Variants in TMX4 observed in about 807,000 individuals in gnomAD.
TMX4 encodes the protein thioredoxin-related transmembrane protein 4.
TMX4 carries 23 observed loss-of-function variants against 33.3 expected under a neutral mutation model. The ratio of observed to expected loss-of-function variants is 0.69; its 90% CI spans 0.50 to 0.98. TMX4 has a LOEUF of 0.98. TMX4 is among the 50% of genes least tolerant of loss of function. TMX4 has a pLI of 0.00. For missense variants in TMX4, 399 were observed against 448.9 expected, an observed-to-expected ratio of 0.89 and a Z score of 1.01; for synonymous variants, 164 against 161.5, an observed-to-expected ratio of 1.02 and a Z score of -0.12.
chr20:7,997,178 T>C (rs577379238), intron 4 of TMX4, among the ~76,000 whole-genome samples: 2 of 152,244 alleles, frequency 1.3e-5, no homozygotes, highest in South Asian at 2.1e-4. Context: ...GGGTGGCCCA[T>C]GACTCATCCC....
intron 1 of TMX4, among the ~76,000 whole-genome samples, chr20:8,015,940 T>A (rs547849693): frequency 4.2e-4 from 64 of 152,338 alleles, no homozygotes; most frequent in Admixed American, 2.0e-3. Flanking sequence ...CTTCTGAGTA[T>A]CAGCTTGAAT....
intron 1 of TMX4, among the ~76,000 whole-genome samples, chr20:8,014,981 A>G (rs2122884116): frequency 6.6e-6 from 1 of 151,590 alleles, no homozygotes; most frequent in African/African-American, 2.4e-5. Context: ...CTTACTAAGG[A>G]TCTGGCATTA....
rs528119588 is a variant in TMX4 at position 7,977,874 on chromosome 20, G to C, written c.*4377C>G. 2.7e-4 allele frequency: 41 copies of C among 152,290 alleles called. No homozygotes were observed. Among genetic ancestry groups the C allele is most frequent in the Admixed American group, 1.0e-3 (16 of 15,292 alleles). The allele number at this position is 152,290 out of a possible 1,614,324, so 9.4% of individuals were successfully genotyped here. Reference sequence around the variant, plus strand: ...CTACATAAAGCTTTACTGAGAATAAGCCATCTGAAGGGCATGTCCCGGGCT... The same window carrying C: ...CTACATAAAGCTTTACTGAGAATAACCCATCTGAAGGGCATGTCCCGGGCT... On this transcript the variant is annotated 3_prime_UTR_variant, in exon 8 of 8. Transcript: ENST00000246024.
In TMX4 at chr20:7,980,727, C is replaced by G. The variant is rs2050601658; in HGVS notation, c.*1524G>C. 2 of 152,334 alleles carry G rather than the reference C, an allele frequency of 1.3e-5. No homozygotes were observed. Among genetic ancestry groups the G allele is most frequent in the South Asian group, 2.1e-4 (1 of 4,826 alleles). The allele number at this position is 152,334 out of a possible 1,614,324, so 9.4% of individuals were successfully genotyped here. A position where few individuals can be genotyped will look rare whatever the true frequency, so the allele number is the denominator to read the frequency against. On this transcript the variant is annotated 3_prime_UTR_variant, in exon 8 of 8. Coordinates refer to ENST00000246024, the MANE Select transcript of TMX4 (RefSeq NM_021156.4). ...AACCATCTCTAAAAGTTGATGCTGT[C>G]AGAAGAATAACCTCCTTTGTGCAAG...
intron 5 of TMX4, among the ~76,000 whole-genome samples, chr20:7,988,489 T>C (rs756527651): frequency 6.6e-6 from 1 of 152,162 alleles, no homozygotes; most frequent in Non-Finnish European, 1.5e-5. Context: ...ATCTGAAATA[T>C]CTCTCTACAA....
intron 1 of TMX4, among the ~76,000 whole-genome samples, chr20:8,012,328 A>G (rs1276911423): frequency 6.6e-6 from 1 of 152,170 alleles, no homozygotes; most frequent in African/African-American, 2.4e-5. Context: ...AAGCAGGCAC[A>G]TATTTATTTA....
At chr20:8,017,673 C>T (rs1366974199) in intron 1 of TMX4, among the ~76,000 whole-genome samples, 1 of 152,178 alleles carries the variant, frequency 6.6e-6, no homozygotes, top group African/African-American at 2.4e-5. Context: ...TGAAAGATGA[C>T]ATCTAGGAAA....
chr20:8,005,518 G>A (rs747591850), intron 2 of TMX4, among the ~76,000 whole-genome samples: 6 of 152,216 alleles, frequency 3.9e-5, no homozygotes, highest in Non-Finnish European at 8.8e-5. Context: ...TCGGGGCTGT[G>A]CCCATGGACC....
chr20:8,007,865 C>A (rs547732599), intron 2 of TMX4, among the ~76,000 whole-genome samples: 1 of 152,290 alleles, frequency 6.6e-6, no homozygotes, highest in South Asian at 2.1e-4. Context: ...ACATTTTTAT[C>A]CTACGTTTTC....
chr20:8,014,872 G>C (rs2050766686), intron 1 of TMX4, among the ~76,000 whole-genome samples: 1 of 152,208 alleles, frequency 6.6e-6, no homozygotes, highest in African/African-American at 2.4e-5. Context: ...GAGTCAACCA[G>C]GCCCTGTGCC....
chr20:8,003,111 C>G (rs1159032546), intron 2 of TMX4, among the ~76,000 whole-genome samples: 6 of 152,036 alleles, frequency 3.9e-5, no homozygotes, highest in Non-Finnish European at 2.9e-5. Flanking sequence ...TTCTAACTTG[C>G]CAGGGGAAAA....
intron 2 of TMX4, among the ~76,000 whole-genome samples, chr20:8,004,835 G>A (rs2050721750): frequency 6.6e-6 from 1 of 152,114 alleles, no homozygotes; most frequent in Non-Finnish European, 1.5e-5. Context: ...TCAGTTTTCT[G>A]AGTAAGACAG....
chr20:7,979,278 T>C lies in TMX4; in HGVS notation c.*2973A>G, dbSNP rs898440215. 2 of 152,152 alleles carry C rather than the reference T, an allele frequency of 1.3e-5. No homozygotes were observed. Among genetic ancestry groups the C allele is most frequent in the East Asian group, 1.9e-4 (1 of 5,198 alleles). The allele number at this position is 152,152 out of a possible 1,614,324, so 9.4% of individuals were successfully genotyped here. On this transcript the variant is annotated 3_prime_UTR_variant, in exon 8 of 8. Transcript: ENST00000246024. ...AACCTAAAATCTTCAAGTGGAAAGA[T>C]ATTAAATTAAATTTTGTTGGAAAAA...
chr20:8,018,740 C>A (rs1426486838), intron 1 of TMX4: 2 of 189,914 alleles, frequency 1.1e-5, no homozygotes, highest in African/African-American at 4.8e-5. Context: ...AGGGGCAATG[C>A]GTATCTTCTT....
At chr20:7,987,257 A>G in intron 6 of TMX4, 31 bp downstream of exon 6, 1 of 1,402,556 alleles carries the variant, frequency 7.1e-7, no homozygotes, top group Non-Finnish European at 9.8e-7. Context: ...TTTTGCCTTA[A>G]AGATAGAAAA....
intron 5 of TMX4, among the ~76,000 whole-genome samples, chr20:7,992,438 G>A (rs1203769339): frequency 1.3e-5 from 2 of 152,180 alleles, no homozygotes; most frequent in Admixed American, 1.3e-4. Flanking sequence ...GAACACTGGA[G>A]ATCATCTACT....
At chr20:8,018,878 C>A in intron 1 of TMX4, 1 of 304,012 alleles carries the variant, frequency 3.3e-6, no homozygotes. Flanking sequence ...TTTATTCTCA[C>A]AATGACATCT....
intron 3 of TMX4, among the ~76,000 whole-genome samples, chr20:8,000,545 A>G (rs2050701118): frequency 6.6e-6 from 1 of 152,032 alleles, no homozygotes; most frequent in Non-Finnish European, 1.5e-5. Context: ...CTTGGCTTTT[A>G]TGACAGGAGC....
intron 1 of TMX4, among the ~76,000 whole-genome samples, chr20:8,014,359 GA>G (rs1200350594): frequency 2.0e-5 from 3 of 152,192 alleles, no homozygotes; most frequent in African/African-American, 4.8e-5. Context: ...TAAGACTTCA[GA>G]AAATATATAA....
Sources: gnomAD v4.1 joint callset for allele counts (sites outside exome capture counted in the v4.1 genomes callset) on GRCh38, gnomAD v4.1.1 for gene constraint, MANE v1.5 for transcripts, NCBI Gene and HGNC (gene_info 2026-07-23, HGNC 2026-07-21) for gene names.